Variants in SLC36A1 observed in about 807,000 individuals in gnomAD.
The protein encoded by SLC36A1 is proton-coupled amino acid transporter 1.
In SLC36A1, 30 loss-of-function variants were observed where a neutral mutation model predicts 47.5. The ratio of observed to expected loss-of-function variants is 0.63; its 90% CI spans 0.47 to 0.86. The LOEUF is 0.86. Ranked by LOEUF, SLC36A1 falls within the 40% of genes least tolerant of loss-of-function variation. The pLI, the probability that SLC36A1 is intolerant of heterozygous loss-of-function variation, is 0.00. For missense variants in SLC36A1, 517 were observed against 606.0 expected, an observed-to-expected ratio of 0.85 and a Z score of 1.54; for synonymous variants, 255 against 249.7, an observed-to-expected ratio of 1.02 and a Z score of -0.20.
At chr5:151,386,623 C>T in the SLC36A1 span, among the ~76,000 whole-genome samples, 1 of 152,104 alleles carries the variant, frequency 6.6e-6, no homozygotes, top group East Asian at 1.9e-4. Flanking sequence ...AATCAAAAAG[C>T]CCTGACTTTC....
chr5:151,488,168 G>C lies in SLC36A1; in HGVS notation c.1345G>C (p.Val449Leu), dbSNP rs1759817334. The change falls in exon 11 of 11, where the codon GTG becomes CTG. Residue 449 changes from valine (V) to leucine (L), a missense_variant. Coordinates refer to ENST00000243389, the MANE Select transcript of SLC36A1 (RefSeq NM_078483.4). ...CAGCATCCTGGGCTTCGTGGGCTTT[G>C]TGGTGGGGACCTATGAGGCTCTCTA... is the stretch of plus-strand genomic sequence containing the variant. ...LISILGFVGFVVGTYEALYEL... is the reference protein window; with the variant it reads ...LISILGFVGFLVGTYEALYEL... 2 of 1,614,066 alleles carry C rather than the reference G, an allele frequency of 1.2e-6. No homozygotes were observed. The highest frequency in any genetic ancestry group is 1.7e-6 in the Non-Finnish European group (2 of 1,180,046).
the SLC36A1 span, among the ~76,000 whole-genome samples, chr5:151,375,805 C>T: frequency 1.3e-5 from 2 of 152,112 alleles, no homozygotes; most frequent in African/African-American, 2.4e-5. Context: ...TTGTTATTGG[C>T]ATATAGAAAT....
the SLC36A1 span, among the ~76,000 whole-genome samples, chr5:151,536,344 C>G: frequency 6.6e-6 from 1 of 152,184 alleles, no homozygotes; most frequent in Admixed American, 6.5e-5. Flanking sequence ...TTAGGAAGGA[C>G]AGCATTGTCC....
the SLC36A1 span, chr5:151,509,797 C>T: frequency 1.9e-6 from 1 of 528,156 alleles, no homozygotes; most frequent in Non-Finnish European, 3.4e-6. Flanking sequence ...ATCCTGAAAC[C>T]ATCTCCCGTT....
chr5:151,455,589 G>A (rs1483988269), intron 1 of SLC36A1, among the ~76,000 whole-genome samples: 1 of 151,906 alleles, frequency 6.6e-6, no homozygotes, highest in Non-Finnish European at 1.5e-5. Flanking sequence ...GGAAGGATTG[G>A]GCAATTAATA....
chr5:151,409,036 T>C, the SLC36A1 span, among the ~76,000 whole-genome samples: 1 of 151,590 alleles, frequency 6.6e-6, no homozygotes, highest in South Asian at 2.1e-4. Flanking sequence ...TCTCACTGTG[T>C]TGCTCAGGCT....
At chr5:151,485,392 G>A (rs143891352) in intron 10 of SLC36A1, among the ~76,000 whole-genome samples, 99 of 152,310 alleles carry the variant, frequency 6.5e-4, no homozygotes, top group African/African-American at 2.4e-3. Flanking sequence ...TGGATCCCTT[G>A]TCCAATTCCA....
chr5:151,365,067 C>T, the SLC36A1 span, among the ~76,000 whole-genome samples: 24 of 152,216 alleles, frequency 1.6e-4, no homozygotes, highest in East Asian at 1.5e-3. Flanking sequence ...TGCTCACTTC[C>T]TGGAGTTGGG....
rs1476182396 is a variant in SLC36A1 at position 151,491,545 on chromosome 5, A to T, written c.*3291A>T. The T allele has an allele frequency of 1.3e-5, 2 of 152,590 alleles. No individual in the cohort carries two copies. Among genetic ancestry groups the T allele is most frequent in the Non-Finnish European group, 2.9e-5 (2 of 68,038 alleles). 9.5% of individuals were successfully genotyped at this position (152,590 alleles called of 1,614,324 possible). A position where few individuals can be genotyped will look rare whatever the true frequency, so the allele number is the denominator to read the frequency against. On this transcript the variant is annotated 3_prime_UTR_variant, in exon 11 of 11. Transcript: ENST00000243389. ...TCTTCTCAGATTTCTCCCTTCCTAG[A>T]ACATTCTCTCTGTTTAGCACTAATG...
chr5:151,370,190 A>G, the SLC36A1 span, among the ~76,000 whole-genome samples: 1 of 152,230 alleles, frequency 6.6e-6, no homozygotes, highest in Non-Finnish European at 1.5e-5. Context: ...AATAAAAACC[A>G]TTCTGTATTG....
the SLC36A1 span, chr5:151,546,190 A>C: frequency 6.2e-7 from 1 of 1,614,182 alleles, no homozygotes; most frequent in South Asian, 1.1e-5. Flanking sequence ...ATGAATGATC[A>C]CTGTAGCCAG....
chr5:151,503,699 A>T, the SLC36A1 span, among the ~76,000 whole-genome samples: 1 of 151,964 alleles, frequency 6.6e-6, no homozygotes, highest in African/African-American at 2.4e-5. Flanking sequence ...TCTGATAGTT[A>T]AGTCCCTTCT....
At chr5:151,384,172 G>T in the SLC36A1 span, among the ~76,000 whole-genome samples, 1 of 152,062 alleles carries the variant, frequency 6.6e-6, no homozygotes, top group Non-Finnish European at 1.5e-5. Context: ...CCTAGATTGG[G>T]CATCAGGAGA....
the SLC36A1 span, among the ~76,000 whole-genome samples, chr5:151,419,569 G>T: frequency 3.9e-5 from 6 of 152,184 alleles, no homozygotes; most frequent in African/African-American, 1.4e-4. Context: ...CTTTAGGGCA[G>T]TGGTTCTCAA....
At chr5:151,421,101 C>CCA in the SLC36A1 span, among the ~76,000 whole-genome samples, 25,024 of 151,406 alleles carry the variant, frequency 0.17, 2,315 homozygotes, top group East Asian at 0.37. Flanking sequence ...TCTCGATCTC[C>CCA]TGACCTCGTG....
In SLC36A1 at chr5:151,490,174, C is replaced by T. The variant is rs1027359529; in HGVS notation, c.*1920C>T. On this transcript the variant is annotated 3_prime_UTR_variant, in exon 11 of 11. Transcript: ENST00000243389. The stretch of plus-strand genomic sequence containing the variant: ...TTAGGAGAAGGACGATTTTCACCCA[C>T]CCTTTCTGTTCTATGGTGGACTCTT... 1.3e-5 allele frequency: 2 copies of T among 152,228 alleles called. No individual in the cohort carries two copies. Among genetic ancestry groups the T allele is most frequent in the Non-Finnish European group, 2.9e-5 (2 of 68,050 alleles). The allele number at this position is 152,228 out of a possible 1,614,324, so 9.4% of individuals were successfully genotyped here. A position where few individuals can be genotyped will look rare whatever the true frequency, so the allele number is the denominator to read the frequency against.
chr5:151,469,176 G>C (rs1756995190), intron 7 of SLC36A1: 1 of 672,758 alleles, frequency 1.5e-6, no homozygotes, highest in Non-Finnish European at 2.7e-6. Flanking sequence ...AATACCTCTT[G>C]AATACCATGT....
chr5:151,553,123 G>T, the SLC36A1 span: 2 of 1,541,098 alleles, frequency 1.3e-6, no homozygotes, highest in Non-Finnish European at 1.8e-6. Context: ...AACTAGAGCT[G>T]GTGTATAAGG....
the SLC36A1 span, among the ~76,000 whole-genome samples, chr5:151,522,615 T>C: frequency 6.6e-6 from 1 of 152,128 alleles, no homozygotes; most frequent in African/African-American, 2.4e-5. Flanking sequence ...ATAAATAAGT[T>C]ACCAAATAAC....
Sources: allele counts gnomAD v4.1 joint callset (sites outside exome capture counted in the v4.1 genomes callset), GRCh38; gene constraint gnomAD v4.1.1; transcripts MANE v1.5; gene names NCBI Gene and HGNC (gene_info 2026-07-23, HGNC 2026-07-21).